ATG2A: variants seen among roughly 807,000 people sequenced by gnomAD.
ATG2A encodes the protein autophagy-related protein 2 homolog A.
A neutral mutation model predicts 214.2 loss-of-function variants in ATG2A; 103 were observed. That is an observed-to-expected ratio of 0.48 (90% CI 0.41 to 0.57). The LOEUF (loss-of-function observed/expected upper bound fraction) is 0.57. Ranked by LOEUF, ATG2A falls within the 20% of genes least tolerant of loss-of-function variation. ATG2A has a pLI of 0.00. For missense variants in ATG2A, 2,312 were observed against 2,613.2 expected, an observed-to-expected ratio of 0.88 and a Z score of 2.51; for synonymous variants, 1,160 against 1,142.1, an observed-to-expected ratio of 1.02 and a Z score of -0.32.
intron 31 of ATG2A, 63 bp downstream of exon 31, chr11:64,900,431 T>C: frequency 6.2e-7 from 1 of 1,607,770 alleles, no homozygotes; most frequent in East Asian, 2.2e-5. Flanking sequence ...ACACGTGACA[T>C]CGAGAACAAG....
At chr11:64,904,830 A>G (rs986485658) in intron 24 of ATG2A, among the ~76,000 whole-genome samples, 5 of 141,060 alleles carry the variant, frequency 3.5e-5, no homozygotes, top group African/African-American at 1.6e-4. Flanking sequence ...CTATCTATCT[A>G]TCTATCTATC....
intron 35 of ATG2A, 33 bp downstream of exon 35, chr11:64,897,806 C>G: frequency 6.2e-7 from 1 of 1,613,792 alleles, no homozygotes; most frequent in Non-Finnish European, 8.5e-7. Context: ...GCAATCTGGC[C>G]CAGGGCCCCC....
chr11:64,909,828 G>C lies in ATG2A; in HGVS notation c.1960C>G (p.Pro654Ala), dbSNP rs771260276. The C allele has an allele frequency of 8.7e-6, 14 of 1,610,750 alleles. No homozygotes were observed. Among genetic ancestry groups the C allele is most frequent in the African/African-American group, 1.3e-5 (1 of 74,926 alleles). ...RLRFPIADLRPEPDPWAGQAV... is the reference protein window; with the variant it reads ...RLRFPIADLRAEPDPWAGQAV... ...TGGCCCGCCCAGGGGTCCGGCTCAG[G>C]CCGCAGGTCGGCAATGGGGAAGCGC... is the stretch of plus-strand genomic sequence containing the variant. Residue 654 changes from proline to alanine, a missense_variant, in exon 14 of 41, where the codon CCT (proline) becomes GCT (alanine). Coordinates refer to ENST00000377264, the MANE Select transcript of ATG2A (RefSeq NM_015104.3).
chr11:64,910,870 G>C lies in ATG2A; in HGVS notation c.1551C>G (p.Phe517Leu), dbSNP rs758382468. The C allele has an allele frequency of 1.9e-6, 3 of 1,609,360 alleles. No individual in the cohort carries two copies. The highest frequency in any genetic ancestry group is 3.3e-4 in the Middle Eastern group (2 of 6,052). ...GRRTTSMEVH[F>L]GQLEVLECLW... is the part of the protein sequence containing the mutation. ...GACACTCCAGCACCTCCAGCTGCCCGAAGTGCACTTCCATGCTGGTTGTCC... is the reference window on the plus strand; with the variant it reads ...GACACTCCAGCACCTCCAGCTGCCCCAAGTGCACTTCCATGCTGGTTGTCC... The change falls in exon 11 of 41, where the codon TTC (phenylalanine) becomes TTG (leucine). Residue 517 changes from phenylalanine (F) to leucine (L), a missense_variant. Transcript: ENST00000377264.
At position 64,896,757 on chromosome 11, in the gene ATG2A, C is replaced by T; in HGVS notation, c.5263G>A (p.Val1755Ile). 6.2e-7 allele frequency: 1 copy of T among 1,614,232 alleles called. No homozygotes were observed. The highest frequency in any genetic ancestry group is 8.5e-7 in the Non-Finnish European group (1 of 1,180,042). Residue 1755 changes from valine (V) to isoleucine (I), a missense_variant, in exon 38 of 41, where the codon GTC (valine) becomes ATC (isoleucine). Coordinates refer to ENST00000377264, the MANE Select transcript of ATG2A (RefSeq NM_015104.3). ...LGGVGPMHSVVQLFQGFRDLL... is the reference protein window; with the variant it reads ...LGGVGPMHSVIQLFQGFRDLL... ...AAACCTAGACACTCACAGAGCTGGA[C>T]AACCGAGTGCATGGGGCCCACGCCT...
intron 30 of ATG2A, 44 bp from the exon 31 acceptor site, chr11:64,900,673 T>A: frequency 6.5e-7 from 1 of 1,545,588 alleles, no homozygotes; most frequent in Non-Finnish European, 8.7e-7. Flanking sequence ...AGGAACCCCA[T>A]TCCCTCCCCG....
At position 64,906,791 on chromosome 11, in the gene ATG2A, C is replaced by A; in HGVS notation, c.2857G>T (p.Ala953Ser). Reference protein sequence around the residue: ...TKDEGGKRLEAVHGELVLDME... With the variant: ...TKDEGGKRLESVHGELVLDME... ...TCCAGCACCAGCTCCCCGTGCACAG[C>A]CTCCAGCCGCTTCCCACCCTCATCC... Residue 953 changes from alanine to serine, a missense_variant, in exon 20 of 41, where the codon GCT becomes TCT. Coordinates refer to ENST00000377264, the MANE Select transcript of ATG2A (RefSeq NM_015104.3). 3.1e-6 allele frequency: 5 copies of A among 1,613,274 alleles called. No homozygotes were observed. The highest frequency in any genetic ancestry group is 4.2e-6 in the Non-Finnish European group (5 of 1,179,914).
intron 31 of ATG2A, among the ~76,000 whole-genome samples, chr11:64,900,066 A>C (rs1944299343): frequency 1.5e-5 from 2 of 135,448 alleles, no homozygotes; most frequent in Admixed American, 7.9e-5. Context: ...GGGTTTCGCC[A>C]TGTTGCCCAG....
rs780649472 is a variant in ATG2A, at chr11:64,895,087, G to A, written c.5703C>T (p.Leu1901=). Residue 1901 remains leucine, a synonymous_variant, in exon 41 of 41, where the codon CTC becomes CTT. Coordinates refer to ENST00000377264, the MANE Select transcript of ATG2A (RefSeq NM_015104.3). The surrounding 1 kb of genome is among the most constrained non-coding windows in gnomAD (Gnocchi z 5.0). ...TGGACGTGGCCTCCGTGGCCAGGATGAGCGGCTTCACCACAGTCGGGGGCA... is the reference window on the plus strand; with the variant it reads ...TGGACGTGGCCTCCGTGGCCAGGATAAGCGGCTTCACCACAGTCGGGGGCA... ...RQLPPTVVKP[L]ILATEATSSL... The A allele has an allele frequency of 5.0e-6, 8 of 1,612,910 alleles. No homozygotes were observed. The highest frequency in any genetic ancestry group is 6.8e-6 in the Non-Finnish European group (8 of 1,179,808).
In ATG2A at chr11:64,907,368, A is replaced by C; in HGVS notation, c.2719T>G (p.Ser907Ala). The change falls in exon 19 of 41, where the codon TCA becomes GCA. Residue 907 changes from serine (S) to alanine (A), a missense_variant. Transcript: ENST00000377264. ...GGGGCAGCGGCCTGTGGGCCACCTG[A>C]TGCCCCCACTGAGAAGAAGTGGGCA... ...EDAHFFSVGASGGPQAAAPEA... is the reference protein window; with the variant it reads ...EDAHFFSVGAAGGPQAAAPEA... 3 of 1,561,900 alleles carry C rather than the reference A, an allele frequency of 1.9e-6. No homozygotes were observed. The highest frequency in any genetic ancestry group is 1.7e-4 in the Middle Eastern group (1 of 6,002).
At chr11:64,899,500 C>A (rs1177048112) in intron 31 of ATG2A, among the ~76,000 whole-genome samples, 1 of 152,202 alleles carries the variant, frequency 6.6e-6, no homozygotes, top group Admixed American at 6.5e-5. Context: ...GCCTGAGGCC[C>A]CTCTGCCCTT....
In ATG2A at chr11:64,903,765, G is replaced by T; in HGVS notation, c.3465-105C>A. The T allele has an allele frequency of 2.8e-6, 3 of 1,087,594 alleles. No individual in the cohort carries two copies. Among genetic ancestry groups the T allele is most frequent in the Non-Finnish European group, 3.9e-6 (3 of 766,378 alleles). The allele number at this position is 1,087,594 out of a possible 1,614,324, so 67.4% of individuals were successfully genotyped here. On this transcript the variant is annotated intron_variant, in intron 24 of 40. Coordinates refer to ENST00000377264, the MANE Select transcript of ATG2A (RefSeq NM_015104.3). The surrounding 1 kb of genome is among the most constrained non-coding windows in gnomAD (Gnocchi z 4.2). ...AGCCCACAGGAGGTGGTATGGACAG[G>T]CCCCTCCAGCCTCAGCGTTCCTGCC...
intron 12 of ATG2A, 37 bp from the exon 13 acceptor site, chr11:64,910,232 T>G: frequency 6.5e-7 from 1 of 1,550,148 alleles, no homozygotes; most frequent in East Asian, 2.3e-5. Context: ...GAGGGCTGAG[T>G]GGTACTCAGC....
chr11:64,897,023 C>A (rs1944176941), intron 37 of ATG2A, 154 bp from the exon 38 acceptor site: 4 of 1,065,288 alleles, frequency 3.8e-6, no homozygotes, highest in Admixed American at 6.0e-5. Flanking sequence ...GGGACTGTGT[C>A]CTTTTTTTTT....
chr11:64,906,797 G>T lies in ATG2A; in HGVS notation c.2851C>A (p.Leu951Met). Residue 951 changes from leucine (L) to methionine (M), a missense_variant, in exon 20 of 41, where the codon CTG becomes ATG. Coordinates refer to ENST00000377264, the MANE Select transcript of ATG2A (RefSeq NM_015104.3). ...ACCAGCTCCCCGTGCACAGCCTCCA[G>T]CCGCTTCCCACCCTCATCCTGCAGA... The part of the protein sequence containing the change: ...CETKDEGGKR[L>M]EAVHGELVLD... The T allele has an allele frequency of 3.1e-6, 5 of 1,613,244 alleles. No homozygotes were observed. The highest frequency in any genetic ancestry group is 4.2e-6 in the Non-Finnish European group (5 of 1,179,900).
rs1037771943 is a variant in ATG2A at position 64,905,521 on chromosome 11, C to T, written c.3464+42G>A. The T allele has an allele frequency of 9.5e-6, 15 of 1,572,346 alleles. No individual in the cohort carries two copies. The African/African-American group carries it at 2.0e-4, about 21-fold the overall frequency. On this transcript the variant is annotated intron_variant, in intron 24 of 40. Coordinates refer to ENST00000377264, the MANE Select transcript of ATG2A (RefSeq NM_015104.3). ...CACACAGCTGGCAGGCAGCTTCGGC[C>T]CGGCGAGGGTGGGATGGCCCAGTGT...
In ATG2A at chr11:64,898,140, TGAA is replaced by T; in HGVS notation, c.4801_4803del (p.Phe1601del). The T allele has an allele frequency of 1.2e-6, 2 of 1,613,960 alleles. No individual in the cohort carries two copies. The highest frequency in any genetic ancestry group is 1.7e-6 in the Non-Finnish European group (2 of 1,179,982). The stretch of plus-strand genomic sequence containing the variant: ...GGGTTGATGCCGGCCACCAGACTAG[TGAA>T]GAAGTCCTTGAGGAAGAAGAGGGCA... On this transcript the variant is annotated inframe_deletion, in exon 34 of 41. Transcript: ENST00000377264. The surrounding 1 kb of genome is among the most constrained non-coding windows in gnomAD (Gnocchi z 4.5).
At position 64,910,158 on chromosome 11, in the gene ATG2A, G is replaced by T; in HGVS notation, c.1745C>A (p.Ser582Ter). ...PRRSVACHCH[S>*]ELALDLANFQ... Reference sequence around the variant, plus strand: ...GTTGGCCAGGTCCAGGGCCAGTTCTGAGTGGCAATGGCAGGCAACTGAGCG... The same window carrying T: ...GTTGGCCAGGTCCAGGGCCAGTTCTTAGTGGCAATGGCAGGCAACTGAGCG... The change falls in exon 13 of 41, where the codon TCA (serine) becomes TAA (stop). Residue 582 changes from serine to a stop codon, truncating the protein, a stop_gained. Coordinates refer to ENST00000377264, the MANE Select transcript of ATG2A (RefSeq NM_015104.3). LOFTEE classifies it high-confidence loss of function. 1 of 1,610,142 alleles carries T rather than the reference G, an allele frequency of 6.2e-7. No homozygotes were observed. Among genetic ancestry groups the T allele is most frequent in the East Asian group, 2.2e-5 (1 of 44,866 alleles).
Position 64,903,036 on chromosome 11 carries a change from G to A in ATG2A, c.3612+252C>T, listed in dbSNP as rs1032184936. On this transcript the variant is annotated intron_variant, in intron 26 of 40. Transcript: ENST00000377264. The surrounding 1 kb of genome is among the most constrained non-coding windows in gnomAD (Gnocchi z 4.2). ...AAAGGTGGCTGATTCCCAGGGCCTCGCTGGTGCCCTGGCTGCCGCGTCCTC... is the reference window on the plus strand; with the variant it reads ...AAAGGTGGCTGATTCCCAGGGCCTCACTGGTGCCCTGGCTGCCGCGTCCTC... Among the ~76,000 whole-genome samples the A allele has an allele frequency of 6.6e-6, 1 of 152,032 alleles. No homozygotes were observed. The highest frequency in any genetic ancestry group is 2.4e-5 in the African/African-American group (1 of 41,382).
Sources: allele counts gnomAD v4.1 joint callset (sites outside exome capture counted in the v4.1 genomes callset), GRCh38; gene constraint gnomAD v4.1.1; non-coding constraint Gnocchi (gnomAD v3.1); transcripts MANE v1.5; gene names NCBI Gene and HGNC (gene_info 2026-07-23, HGNC 2026-07-21).